Variants in RECQL4 observed in about 807,000 individuals in gnomAD.
The protein encoded by RECQL4 is ATP-dependent DNA helicase Q4.
RECQL4 carries 158 observed loss-of-function variants against 128.6 expected under a neutral mutation model. The observed-to-expected ratio is 1.23, with a 90% CI of 1.08 to 1.40. The LOEUF is 1.40. RECQL4 is among the 40% of genes most tolerant of loss of function. RECQL4 has a pLI of 0.00. For synonymous variants in RECQL4, 996 were observed against 678.9 expected (o/e 1.47, Z -7.26); for missense variants, 2,293 against 1,649.8 (o/e 1.39, Z -6.75).
chr8:144,513,506 A>C lies in RECQL4; in HGVS notation c.2201-26T>G, dbSNP rs748736499. The C allele has an allele frequency of 1.9e-6, 3 of 1,610,636 alleles. No individual in the cohort carries two copies. In the South Asian group the frequency reaches 3.3e-5, roughly 18 times the overall value. Reference sequence around the variant, plus strand: ...CTTTGGGGAAGACAGGCAGATGGTCAGTGGGATGGGACCATGTGTGCCCAA... The same window carrying C: ...CTTTGGGGAAGACAGGCAGATGGTCCGTGGGATGGGACCATGTGTGCCCAA... On this transcript the variant is annotated intron_variant, in intron 13 of 20. Coordinates refer to ENST00000617875, the MANE Select transcript of RECQL4 (RefSeq NM_004260.4).
chr8:144,517,653 C>T lies in RECQL4; in HGVS notation c.85-18G>A, dbSNP rs376586915. The T allele has an allele frequency of 5.4e-6, 8 of 1,472,876 alleles. No individual in the cohort carries two copies. Among genetic ancestry groups the T allele is most frequent in the East Asian group, 5.9e-5 (2 of 34,186 alleles). The allele number at this position is 1,472,876 out of a possible 1,614,324, so 91.2% of individuals were successfully genotyped here. Reference sequence around the variant, plus strand: ...ACGTCGTCCTGTAAAGGGAACGCGTCAGCCGCGGGCCGCGCCCTCAGCCCC... The same window carrying T: ...ACGTCGTCCTGTAAAGGGAACGCGTTAGCCGCGGGCCGCGCCCTCAGCCCC... On this transcript the variant is annotated intron_variant, in intron 1 of 20. Transcript: ENST00000617875.
chr8:144,514,827 T>C lies in RECQL4; in HGVS notation c.1620+109A>G, dbSNP rs1827914449. 11 of 1,385,874 alleles carry C rather than the reference T, an allele frequency of 7.9e-6. No homozygotes were observed. The South Asian group carries it at 1.1e-4, about 13-fold the overall frequency. 85.8% of individuals were successfully genotyped at this position (1,385,874 alleles called of 1,614,324 possible). ...ACTGGGACTGAGGCCACAGACACCT[T>C]GAAGCTCCCAGGGGAGGGGGTGGTT... On this transcript the variant is annotated intron_variant, in intron 9 of 20. Transcript: ENST00000617875.
At position 144,512,231 on chromosome 8, in the gene RECQL4, T is replaced by A. The variant is rs1827375719; in HGVS notation, c.3149A>T (p.Gln1050Leu). 1 of 1,612,316 alleles carries A rather than the reference T, an allele frequency of 6.2e-7. No homozygotes were observed. Among genetic ancestry groups the A allele is most frequent in the South Asian group, 1.1e-5 (1 of 91,090 alleles). Residue 1050 changes from glutamine to leucine, a missense_variant, in exon 18 of 21, where the codon CAG (glutamine) becomes CTG (leucine). Coordinates refer to ENST00000617875, the MANE Select transcript of RECQL4 (RefSeq NM_004260.4). ...ACGGCCATAGAGGAAGTCACATATCTGGTCCTTCTCCTCAGCGGTCAAGTC... is the reference window on the plus strand; with the variant it reads ...ACGGCCATAGAGGAAGTCACATATCAGGTCCTTCTCCTCAGCGGTCAAGTC... ...PGDLTAEEKD[Q>L]ICDFLYGRVQ...
chr8:144,515,280 C>T (rs750754925), intron 7 of RECQL4, 38 bp from the exon 8 acceptor site: 3 of 1,609,726 alleles, frequency 1.9e-6, no homozygotes, highest in Admixed American at 3.4e-5. Context: ...ACTTGAGTCA[C>T]CCCAACCCCT....
chr8:144,515,718 T>G (rs1444538180), intron 6 of RECQL4, 46 bp downstream of exon 6: 1 of 1,602,020 alleles, frequency 6.2e-7, no homozygotes, highest in Non-Finnish European at 8.5e-7. Flanking sequence ...CACTGCGCCC[T>G]CTCCACAGTG....
intron 20 of RECQL4, 46 bp downstream of exon 20, chr8:144,511,635 A>G: frequency 6.2e-7 from 1 of 1,606,168 alleles, no homozygotes; most frequent in Non-Finnish European, 8.5e-7. Context: ...CACCTGCCCC[A>G]GCCCCCAGCC....
chr8:144,512,952 G>T lies in RECQL4; in HGVS notation c.2650C>A (p.Gln884Lys), dbSNP rs1391654044. The stretch of plus-strand genomic sequence containing the variant: ...CCTGGGGCTGCTTGGTGGCTAAGCT[G>T]CTCAGCCTCTTGAGGGGGGTACTTG... ...VPKYPPQEAE[Q>K]LSHQAAPGPR... The change falls in exon 15 of 21, where the codon CAG becomes AAG. Residue 884 changes from glutamine to lysine, a missense_variant. By Grantham distance (53) the Gln-to-Lys change is moderately conservative (BLOSUM62 1). Coordinates refer to ENST00000617875, the MANE Select transcript of RECQL4 (RefSeq NM_004260.4). 2 of 1,574,126 alleles carry T rather than the reference G, an allele frequency of 1.3e-6. No homozygotes were observed. The highest frequency in any genetic ancestry group is 1.7e-6 in the Non-Finnish European group (2 of 1,160,132).
In RECQL4 at chr8:144,514,923, CCT is replaced by C. The variant is rs754504602; in HGVS notation, c.1620+11_1620+12del. The C allele has an allele frequency of 3.7e-6, 6 of 1,610,292 alleles. No homozygotes were observed. The highest frequency in any genetic ancestry group is 3.3e-5 in the South Asian group (3 of 90,740). On this transcript the variant is annotated intron_variant, in intron 9 of 20. Coordinates refer to ENST00000617875, the MANE Select transcript of RECQL4 (RefSeq NM_004260.4). ...TTGGCTGTGTACGTGTGCCCAGGGC[CCT>C]GTGTGCACACCTGGTCATCCATGAG...
In RECQL4 at chr8:144,515,020, G is replaced by A. The variant is rs1827947799; in HGVS notation, c.1536C>T (p.Tyr512=). Residue 512 remains tyrosine (Y), a synonymous_variant, in exon 9 of 21, where the codon TAC becomes TAT. Coordinates refer to ENST00000617875, the MANE Select transcript of RECQL4 (RefSeq NM_004260.4). ...GGCTGTAGAGCAGCGCTGGGAGCTG[G>A]TAGCACAGGGACTTGCCGGCACCTG... ...LPTGAGKSLC[Y]QLPALLYSRR... is the part of the protein sequence containing the mutation. 1 of 1,610,772 alleles carries A rather than the reference G, an allele frequency of 6.2e-7. No homozygotes were observed. Among genetic ancestry groups the A allele is most frequent in the East Asian group, 2.2e-5 (1 of 44,812 alleles).
At chr8:144,512,813 T>C (rs755623165) in intron 15 of RECQL4, 34 bp downstream of exon 15, 2 of 1,609,436 alleles carry the variant, frequency 1.2e-6, no homozygotes, top group East Asian at 2.2e-5. Flanking sequence ...GGACAGCCCC[T>C]CCACACCCCT....
chr8:144,517,379 A>T (rs755660476), intron 3 of RECQL4, 35 bp downstream of exon 3: 1 of 1,533,338 alleles, frequency 6.5e-7, no homozygotes, highest in South Asian at 1.2e-5. Flanking sequence ...CAAACAGGGA[A>T]GTGGGAGGAG....
chr8:144,514,226 G>A lies in RECQL4; in HGVS notation c.1841C>T (p.Ser614Phe), dbSNP rs1462959391. 3.1e-6 allele frequency: 5 copies of A among 1,612,224 alleles called. No homozygotes were observed. The highest frequency in any genetic ancestry group is 2.2e-5 in the South Asian group (2 of 91,086). ...CAGGTAGCAGGGCCGGAAGTTGTGG[G>A]ACCACTGGGAGAGGCAGTGGGCCTC... ...IDEAHCLSQW[S>F]HNFRPCYLRV... Residue 614 changes from serine to phenylalanine, a missense_variant, in exon 11 of 21, where the codon TCC (serine) becomes TTC (phenylalanine). Physicochemically the swap from Ser to Phe is radical, Grantham distance 155 (BLOSUM62 -2). Coordinates refer to ENST00000617875, the MANE Select transcript of RECQL4 (RefSeq NM_004260.4).
rs770786336 is a variant in RECQL4, at chr8:144,515,092, GC to G, written c.1484-21del. ...AGATGCCTGGATGGGGCGGGAGTCA[GC>G]AGCAGGGTTCTGCAGCCTGGCCTCA... On this transcript the variant is annotated intron_variant, in intron 8 of 20. Transcript: ENST00000617875. 1 of 1,595,668 alleles carries G rather than the reference GC, an allele frequency of 6.3e-7. No individual in the cohort carries two copies. The highest frequency in any genetic ancestry group is 1.3e-5 in the African/African-American group (1 of 74,704).
In RECQL4 at chr8:144,515,370, G is replaced by A. The variant is rs1828009684; in HGVS notation, c.1346C>T (p.Thr449Ile). ...CCCCAGGGAGTAGAGTGGCAGCACG[G>A]TGGGGTCCAGGCTGGGCACCTCAGG... is the stretch of plus-strand genomic sequence containing the variant. ...PVPEVPSLDP[T>I]VLPLYSLGPS... The change falls in exon 7 of 21, where the codon ACC (threonine) becomes ATC (isoleucine). Residue 449 changes from threonine to isoleucine, a missense_variant. Physicochemically the swap from Thr to Ile is moderately conservative, Grantham distance 89. Coordinates refer to ENST00000617875, the MANE Select transcript of RECQL4 (RefSeq NM_004260.4). 5.0e-6 allele frequency: 8 copies of A among 1,612,762 alleles called. No homozygotes were observed. Among genetic ancestry groups the A allele is most frequent in the Admixed American group, 1.7e-5 (1 of 60,018 alleles).
rs377593129 is a variant in RECQL4 at position 144,513,103 on chromosome 8, G to C, written c.2499C>G (p.His833Gln). Residue 833 changes from histidine (H) to glutamine (Q), a missense_variant, in exon 15 of 21, where the codon CAC (histidine) becomes CAG (glutamine). By Grantham distance (24) the His-to-Gln change is conservative. Transcript: ENST00000617875. Reference protein sequence around the residue: ...EDLRELRRHVHADSTDFLAVK... With the variant: ...EDLRELRRHVQADSTDFLAVK... ...CAGCCAGGAAGTCCGTGCTGTCGGC[G>C]TGCACATGTCTGCGCAGCTCTCGCA... The C allele has an allele frequency of 1.9e-6, 3 of 1,573,116 alleles. No individual in the cohort carries two copies. The highest frequency in any genetic ancestry group is 2.3e-5 in the East Asian group (1 of 43,974).
chr8:144,515,707 G>C, intron 6 of RECQL4, 57 bp downstream of exon 6: 7 of 1,589,430 alleles, frequency 4.4e-6, no homozygotes, highest in Non-Finnish European at 6.0e-6. Flanking sequence ...CCCCAAAAGA[G>C]CACTGCGCCC....
In RECQL4 at chr8:144,514,489, T is replaced by A; in HGVS notation, c.1657A>T (p.Ile553Leu). 1 of 1,612,234 alleles carries A rather than the reference T, an allele frequency of 6.2e-7. No homozygotes were observed. The highest frequency in any genetic ancestry group is 2.2e-5 in the East Asian group (1 of 44,868). Residue 553 changes from isoleucine to leucine, a missense_variant, in exon 10 of 21, where the codon ATA becomes TTA. Coordinates refer to ENST00000617875, the MANE Select transcript of RECQL4 (RefSeq NM_004260.4). ...GLPPCLKAAC[I>L]HSGMTRKQRE... is the part of the protein sequence containing the mutation. Reference sequence around the variant, plus strand: ...TGCTTCCTGGTCATGCCCGAGTGTATGCAGGCCGCCTTGAGACACGGTGGC... The same window carrying A: ...TGCTTCCTGGTCATGCCCGAGTGTAAGCAGGCCGCCTTGAGACACGGTGGC...
At position 144,514,404 on chromosome 8, in the gene RECQL4, C is replaced by T. The variant is rs371107497; in HGVS notation, c.1704+38G>A. 56 of 1,601,522 alleles carry T rather than the reference C, an allele frequency of 3.5e-5. 2 individuals are homozygous for T. The East Asian group carries it at 3.8e-4, about 11-fold the overall frequency. ...CAGAGGCACAGCCCAGGTGCCCGCC[C>T]GCTGCCTCCCTCACCCCTAGGCCCA... On this transcript the variant is annotated intron_variant, in intron 10 of 20. Coordinates refer to ENST00000617875, the MANE Select transcript of RECQL4 (RefSeq NM_004260.4).
chr8:144,516,274 G>T lies in RECQL4; in HGVS notation c.845C>A (p.Ala282Asp). The T allele has an allele frequency of 6.2e-7, 1 of 1,611,814 alleles. No individual in the cohort carries two copies. The highest frequency in any genetic ancestry group is 8.5e-7 in the Non-Finnish European group (1 of 1,179,444). ...CCCAGCCCCCTCCGATGGGGGTCCA[G>T]CTTGGCTGCTCTCCTGCTGGACCTG... The part of the protein sequence containing the change: ...PAQVQQESSQ[A>D]GPPSEGAGAV... Residue 282 changes from alanine to aspartate, a missense_variant, in exon 5 of 21, where the codon GCT (alanine) becomes GAT (aspartate). Ala to Asp is a moderately radical substitution (Grantham distance 126). Coordinates refer to ENST00000617875, the MANE Select transcript of RECQL4 (RefSeq NM_004260.4).
Sources: gnomAD v4.1 joint callset for allele counts on GRCh38, gnomAD v4.1.1 for gene constraint, MANE v1.5 for transcripts, NCBI Gene and HGNC (gene_info 2026-07-23, HGNC 2026-07-21) for gene names.